The following NCKAP5 variants were observed in gnomAD, a reference collection of about 807,000 sequenced individuals.
NCKAP5 encodes NCK associated protein 5.
A neutral mutation model predicts 167.0 loss-of-function variants in NCKAP5; 92 were observed. The ratio of observed to expected loss-of-function variants is 0.55; its 90% CI spans 0.47 to 0.66. The LOEUF (loss-of-function observed/expected upper bound fraction) is 0.66, where lower values mean the gene tolerates loss of function less well. Among genes scored for constraint, NCKAP5 ranks in the 30% least tolerant of loss-of-function variants. The probability of loss-of-function intolerance (pLI) is 0.00; values close to 1 mark genes in which losing one functional copy is unlikely to be tolerated. For missense variants in NCKAP5, 2,378 were observed against 2,315.0 expected (o/e 1.03, Z -0.56); for synonymous variants, 891 against 877.4 (o/e 1.02, Z -0.27).
At chr2:133,535,449 T>C (rs929568074) in intron 2 of NCKAP5, among the ~76,000 whole-genome samples, 1 of 152,142 alleles carries the variant, frequency 6.6e-6, no homozygotes, top group African/African-American at 2.4e-5. Flanking sequence ...TCCATCCTTA[T>C]TGCTGCAAAA....
chr2:133,442,844 T>G (rs2151169196), intron 3 of NCKAP5, among the ~76,000 whole-genome samples: 1 of 152,342 alleles, frequency 6.6e-6, no homozygotes, highest in East Asian at 1.9e-4. Context: ...TGGCAAGGCC[T>G]GCTGCCCTGA....
chr2:132,751,190 T>G (rs1352073610), intron 16 of NCKAP5, among the ~76,000 whole-genome samples: 1 of 151,478 alleles, frequency 6.6e-6, no homozygotes, highest in Non-Finnish European at 1.5e-5. Context: ...CAGGAGGGAG[T>G]GGGTTCTCAC....
At chr2:132,961,088 C>T (rs2076497934) in intron 8 of NCKAP5, among the ~76,000 whole-genome samples, 1 of 152,222 alleles carries the variant, frequency 6.6e-6, no homozygotes, top group African/African-American at 2.4e-5. Flanking sequence ...CCCCTGCAAT[C>T]TTCCAGGGGA....
chr2:133,551,250 G>A (rs1438026822), intron 2 of NCKAP5, among the ~76,000 whole-genome samples: 6 of 151,146 alleles, frequency 4.0e-5, no homozygotes, highest in East Asian at 1.9e-4. Context: ...CTACTTTAAA[G>A]TTCATATGGA....
intron 3 of NCKAP5, among the ~76,000 whole-genome samples, chr2:133,493,303 G>A (rs192405787): frequency 1.5e-4 from 23 of 152,310 alleles, no homozygotes; most frequent in African/African-American, 4.3e-4. Context: ...CATAAAGCAG[G>A]AAGAAGATGG....
At chr2:133,229,289 T>C (rs895875108) in intron 4 of NCKAP5, among the ~76,000 whole-genome samples, 1 of 152,328 alleles carries the variant, frequency 6.6e-6, no homozygotes, top group Admixed American at 6.5e-5. Flanking sequence ...TCTATTTCAC[T>C]GACACAGTGA....
chr2:133,657,128 T>A, the NCKAP5 span, among the ~76,000 whole-genome samples: 8 of 152,236 alleles, frequency 5.3e-5, no homozygotes, highest in Non-Finnish European at 8.8e-5. Flanking sequence ...AAAGAAGGGA[T>A]GTTTTGCCCA....
At chr2:133,330,488 C>A (rs1302687433) in intron 3 of NCKAP5, among the ~76,000 whole-genome samples, 1 of 150,902 alleles carries the variant, frequency 6.6e-6, no homozygotes, top group Non-Finnish European at 1.5e-5. Flanking sequence ...CATGTTGTAG[C>A]AAGCATATAA....
intron 3 of NCKAP5, among the ~76,000 whole-genome samples, chr2:133,448,559 A>T (rs961101440): frequency 1.3e-5 from 2 of 152,210 alleles, no homozygotes; most frequent in East Asian, 3.8e-4. Context: ...ACTTGGCCTT[A>T]GGAGTGCATG....
At chr2:132,694,205 C>T (rs1215541039) in intron 19 of NCKAP5, among the ~76,000 whole-genome samples, 1 of 151,658 alleles carries the variant, frequency 6.6e-6, no homozygotes, top group Non-Finnish European at 1.5e-5. Flanking sequence ...TTGTTCAACA[C>T]TGCCATGTGA....
intron 2 of NCKAP5, chr2:133,558,217 G>C (rs1298786463): frequency 6.6e-6 from 1 of 152,130 alleles, no homozygotes; most frequent in Non-Finnish European, 1.5e-5. Context: ...TAAAGTCCTA[G>C]GGCATTTGAA....
chr2:133,477,565 T>C (rs1464045057), intron 3 of NCKAP5, among the ~76,000 whole-genome samples: 2 of 152,188 alleles, frequency 1.3e-5, no homozygotes, highest in Non-Finnish European at 2.9e-5. Context: ...TGTTTTTTCC[T>C]ACACATACAC....
intron 2 of NCKAP5, among the ~76,000 whole-genome samples, chr2:133,548,065 G>A (rs1249824081): frequency 6.8e-6 from 1 of 146,842 alleles, no homozygotes; most frequent in Admixed American, 6.8e-5. Flanking sequence ...CAAGGCTTGA[G>A]AACTACGTGA....
intron 11 of NCKAP5, among the ~76,000 whole-genome samples, chr2:132,849,110 C>T (rs1003982994): frequency 1.3e-5 from 2 of 149,692 alleles, no homozygotes; most frequent in African/African-American, 5.0e-5. Context: ...GGATTAATTT[C>T]TTAATTAATA....
chr2:133,518,616 A>C (rs2104758304), intron 2 of NCKAP5, among the ~76,000 whole-genome samples: 1 of 152,068 alleles, frequency 6.6e-6, no homozygotes, highest in East Asian at 1.9e-4. Flanking sequence ...GGCCTCCCAA[A>C]GTACTGGGAT....
intron 16 of NCKAP5, among the ~76,000 whole-genome samples, chr2:132,737,929 G>A (rs185943945): frequency 3.9e-4 from 59 of 152,238 alleles, no homozygotes; most frequent in Non-Finnish European, 7.2e-4. Flanking sequence ...CTTCCCAGGC[G>A]TCTGACTCTA....
chr2:133,305,257 A>G (rs990633888), intron 3 of NCKAP5, among the ~76,000 whole-genome samples: 1 of 152,186 alleles, frequency 6.6e-6, no homozygotes, highest in Non-Finnish European at 1.5e-5. Context: ...ATGACAAATG[A>G]GACTTTAGTA....
In NCKAP5 at chr2:133,387,540, C is replaced by T. The variant is rs181367990; in HGVS notation, c.70-84430G>A. On this transcript the variant is annotated intron_variant, in intron 3 of 19. Coordinates refer to ENST00000409261, the MANE Select transcript of NCKAP5 (RefSeq NM_207363.3). ...TTATGTGTCTTGGAGTTGCTCTTCT[C>T]GAGGAGTATCTTTGTAGCATTCTCT... is the stretch of plus-strand genomic sequence containing the variant. Among the ~76,000 whole-genome samples the T allele has an allele frequency of 2.1e-3, 322 of 152,216 alleles. 5 individuals carry two copies. Among genetic ancestry groups the T allele is most frequent in the Admixed American group, 5.4e-3 (83 of 15,282 alleles).
intron 5 of NCKAP5, among the ~76,000 whole-genome samples, chr2:133,212,516 C>T (rs2086253768): frequency 6.6e-6 from 1 of 152,084 alleles, no homozygotes; most frequent in Non-Finnish European, 1.5e-5. Context: ...TATAGGTGCC[C>T]ACCACCACGC....
Sources: allele counts gnomAD v4.1 joint callset (sites outside exome capture counted in the v4.1 genomes callset), GRCh38; gene constraint gnomAD v4.1.1; transcripts MANE v1.5; gene names NCBI Gene and HGNC (gene_info 2026-07-23, HGNC 2026-07-21).